Variants in CLASP1 observed in about 807,000 individuals in gnomAD.
CLASP1 encodes CLIP-associating protein 1.
Under a neutral mutation model 192.3 loss-of-function variants are expected in CLASP1, and 38 were observed. That is an observed-to-expected ratio of 0.20 (90% CI 0.15 to 0.26). CLASP1 has a LOEUF of 0.26. Ranked by LOEUF, CLASP1 falls within the 10% of genes least tolerant of loss-of-function variation. The pLI, the probability that CLASP1 is intolerant of heterozygous loss-of-function variation, is 1.00. For synonymous variants in CLASP1, 691 were observed against 712.8 expected (o/e 0.97, Z 0.49); for missense variants, 1,433 against 1,932.5 (o/e 0.74, Z 4.85).
intron 2 of CLASP1, among the ~76,000 whole-genome samples, chr2:121,575,869 T>C (rs2060468301): frequency 6.6e-6 from 1 of 152,228 alleles, no homozygotes; most frequent in African/African-American, 2.4e-5. Context: ...CTTCACATTA[T>C]GAGCTATAGA....
rs142631577 is a variant in CLASP1, at chr2:121,597,472, A to G, written c.195+8229T>C. 1.4e-4 allele frequency among the ~76,000 whole-genome samples: 22 copies of G among 152,186 alleles called. No homozygotes were observed. The East Asian group carries it at 2.1e-3, about 15-fold the overall frequency. ...GTGCACGGAGAGAGAGATAGTGTGT[A>G]TGTGTGTGTGTATGTGTAATATAGC... is the stretch of plus-strand genomic sequence containing the variant. On this transcript the variant is annotated intron_variant, in intron 2 of 39. Transcript: ENST00000263710.
At chr2:121,484,231 T>C (rs190580867) in intron 8 of CLASP1, among the ~76,000 whole-genome samples, 38 of 152,352 alleles carry the variant, frequency 2.5e-4, no homozygotes, top group African/African-American at 8.4e-4. Context: ...ATGCTCATTT[T>C]CTAGCCCAAA....
chr2:121,582,324 A>G (rs1366807258), intron 2 of CLASP1, among the ~76,000 whole-genome samples: 1 of 149,578 alleles, frequency 6.7e-6, no homozygotes. Context: ...AGAAAGAGAA[A>G]GGGAGAGAGA....
intron 19 of CLASP1, among the ~76,000 whole-genome samples, chr2:121,433,882 CCT>C (rs2081892501): frequency 6.6e-6 from 1 of 152,112 alleles, no homozygotes; most frequent in Admixed American, 6.6e-5. Flanking sequence ...GGAAGTATTC[CCT>C]CTTTTCCTAT....
intron 2 of CLASP1, among the ~76,000 whole-genome samples, chr2:121,581,414 A>T (rs2061149863): frequency 6.6e-6 from 1 of 151,156 alleles, no homozygotes; most frequent in South Asian, 2.1e-4. Context: ...AGCTGGGACT[A>T]CAGGCGCCCG....
chr2:121,504,232 CA>C (rs34989531), intron 7 of CLASP1, among the ~76,000 whole-genome samples: 42,333 of 123,766 alleles, frequency 0.34, 9,333 homozygotes, highest in African/African-American at 0.66. Flanking sequence ...AACTCCGTCT[CA>C]AAAAAAAAAA....
intron 31 of CLASP1, 21 bp downstream of exon 32, chr2:121,387,742 A>G: frequency 1.2e-6 from 2 of 1,613,656 alleles, no homozygotes; most frequent in Non-Finnish European, 1.7e-6. Flanking sequence ...CATAGGCACC[A>G]ATCGTGACCA....
At chr2:121,558,441 C>T (rs1255182763) in intron 2 of CLASP1, among the ~76,000 whole-genome samples, 2 of 152,110 alleles carry the variant, frequency 1.3e-5, no homozygotes, top group South Asian at 2.1e-4. Flanking sequence ...TACTGAAAGG[C>T]GAGGCTTTTA....
chr2:121,574,366 G>A (rs1269396292), intron 2 of CLASP1, among the ~76,000 whole-genome samples: 4 of 150,986 alleles, frequency 2.6e-5, no homozygotes, highest in Non-Finnish European at 5.9e-5. Flanking sequence ...TGGGCACCGT[G>A]GCTCACACCT....
At chr2:121,562,964 C>T (rs2059216161) in intron 2 of CLASP1, among the ~76,000 whole-genome samples, 1 of 152,176 alleles carries the variant, frequency 6.6e-6, no homozygotes, top group African/African-American at 2.4e-5. Flanking sequence ...CCAACACAGG[C>T]CAAGCTAATC....
intron 2 of CLASP1, among the ~76,000 whole-genome samples, chr2:121,588,874 C>CAAA (rs2062036578): frequency 6.6e-6 from 1 of 152,242 alleles, no homozygotes; most frequent in Admixed American, 6.5e-5. Context: ...TGTCCCTTTA[C>CAAA]ATGAGTGGGA....
chr2:121,415,516 T>C (rs1367468212), intron 23 of CLASP1, among the ~76,000 whole-genome samples: 3 of 152,222 alleles, frequency 2.0e-5, no homozygotes, highest in Non-Finnish European at 4.4e-5. Flanking sequence ...ACATGCTAAA[T>C]TCTGTCCTCA....
chr2:121,460,491 TC>T (rs1157478105), intron 11 of CLASP1, among the ~76,000 whole-genome samples: 1 of 152,128 alleles, frequency 6.6e-6, no homozygotes, highest in Non-Finnish European at 1.5e-5. Context: ...ACACCCCACT[TC>T]AACTGCCATT....
intron 2 of CLASP1, among the ~76,000 whole-genome samples, chr2:121,592,262 C>A (rs377025848): frequency 7.2e-5 from 11 of 152,214 alleles, no homozygotes; most frequent in East Asian, 3.8e-4. Flanking sequence ...TTTGCTATTA[C>A]ATGTCTTTTT....
rs1437515538 is a variant in CLASP1 at position 121,451,857 on chromosome 2, G to A, written c.1386-8C>T. On this transcript the variant is annotated splice_region_variant and splice_polypyrimidine_tract_variant and intron_variant, in intron 14 of 39. Coordinates refer to ENST00000263710, the Ensembl canonical transcript of CLASP1. ...AAAAATTCAAAACAGCGCCTAAAAA[G>A]TATTAAGAAATACACAACTTATTAA... is the stretch of plus-strand genomic sequence containing the variant. 3 of 1,551,456 alleles carry A rather than the reference G, an allele frequency of 1.9e-6. No individual in the cohort carries two copies. The highest frequency in any genetic ancestry group is 1.9e-5 in the Admixed American group (1 of 51,894).
intron 8 of CLASP1, among the ~76,000 whole-genome samples, chr2:121,478,660 ACCCCC>A (rs200131240): frequency 1.7e-4 from 8 of 46,530 alleles, no homozygotes; most frequent in Non-Finnish European, 3.0e-4. Flanking sequence ...ACACACACAC[ACCCCC>A]CACACACACC....
At chr2:121,461,061 C>T (rs2087834541) in intron 11 of CLASP1, 40 bp downstream of exon 11, 3 of 1,190,868 alleles carry the variant, frequency 2.5e-6, no homozygotes, top group Non-Finnish European at 1.2e-6. Context: ...TATTTAAATA[C>T]ATCTTATGAA....
rs1406679531 is a variant in CLASP1, at chr2:121,647,053, A to AG, written c.-286+2318_-286+2319insC. ...AGACTCCATCTCAAAAAAAAAAAAA[A>AG]AAAAAAATCTAAATCTAAAACCAGT... On this transcript the variant is annotated intron_variant, in intron 1 of 39. Coordinates refer to ENST00000263710, the Ensembl canonical transcript of CLASP1. Among the ~76,000 whole-genome samples the AG allele has an allele frequency of 1.1e-3, 172 of 151,504 alleles. 2 individuals are homozygous for AG. The highest frequency in any genetic ancestry group is 3.3e-3 in the African/African-American group (138 of 41,244).
At chr2:121,512,181 GA>G (rs1264438265) in intron 7 of CLASP1, among the ~76,000 whole-genome samples, 2 of 152,162 alleles carry the variant, frequency 1.3e-5, no homozygotes, top group African/African-American at 4.8e-5. Context: ...CTGCTTTTTA[GA>G]AGCTTGGTTC....
Sources: allele counts gnomAD v4.1 joint callset (sites outside exome capture counted in the v4.1 genomes callset), GRCh38; gene constraint gnomAD v4.1.1; transcripts MANE v1.5; gene names NCBI Gene and HGNC (gene_info 2026-07-23, HGNC 2026-07-21).